Variants in GALNT17 observed in about 807,000 individuals in gnomAD.
GALNT17 encodes the protein polypeptide N-acetylgalactosaminyltransferase 17, also known as UDP-GalNAc:polypeptide N-acetylgalactosaminyltransferase-like 3.
Under a neutral mutation model 63.7 loss-of-function variants are expected in GALNT17, and 29 were observed. The observed-to-expected ratio is 0.46, with a 90% CI of 0.34 to 0.62. The LOEUF is 0.62. Among genes scored for constraint, GALNT17 ranks in the 20% least tolerant of loss-of-function variants. The pLI, the probability that GALNT17 is intolerant of heterozygous loss-of-function variation, is 0.01. For synonymous variants in GALNT17, 305 were observed against 318.3 expected, an observed-to-expected ratio of 0.96 and a Z score of 0.45; for missense variants, 603 against 799.6, an observed-to-expected ratio of 0.75 and a Z score of 2.97.
Position 71,419,972 on chromosome 7 carries a change from C to T in GALNT17, c.765-936C>T, listed in dbSNP as rs117682112. ...CTGCAAATGAAAAGAGATGGGTTGT[C>T]GACTGTGTGTTCTCATTATTCTTCC... On this transcript the variant is annotated intron_variant, in intron 4 of 10. Coordinates refer to ENST00000333538, the MANE Select transcript of GALNT17 (RefSeq NM_022479.3). Among the ~76,000 whole-genome samples the T allele has an allele frequency of 3.5e-3, 539 of 152,258 alleles. 2 individuals are homozygous for T. Among genetic ancestry groups the T allele is most frequent in the Middle Eastern group, 6.8e-3 (2 of 294 alleles).
At chr7:71,279,897 G>C (rs1451123536) in intron 1 of GALNT17, among the ~76,000 whole-genome samples, 1 of 151,678 alleles carries the variant, frequency 6.6e-6, no homozygotes, top group Non-Finnish European at 1.5e-5. Flanking sequence ...GTCTTCATTG[G>C]GGGTTATACC....
intron 3 of GALNT17, among the ~76,000 whole-genome samples, chr7:71,398,611 T>C (rs1181283292): frequency 1.3e-5 from 2 of 152,224 alleles, no homozygotes; most frequent in African/African-American, 4.8e-5. Context: ...GAGGCTTTCC[T>C]TAGATATCTG....
At chr7:71,284,095 T>G (rs1790827226) in intron 1 of GALNT17, 1 of 152,202 alleles carries the variant, frequency 6.6e-6, no homozygotes, top group East Asian at 1.9e-4. Flanking sequence ...GAAGCTTTGT[T>G]TTTTCGCTCT....
chr7:71,214,219 T>C (rs961056519), intron 1 of GALNT17, among the ~76,000 whole-genome samples: 1 of 152,222 alleles, frequency 6.6e-6, no homozygotes, highest in Non-Finnish European at 1.5e-5. Context: ...CTATGAATAG[T>C]TCCTTCAGGT....
rs116701303 is a variant in GALNT17 at position 71,142,389 on chromosome 7, G to A, written c.238+9349G>A. Among the ~76,000 whole-genome samples the A allele has an allele frequency of 2.7e-3, 409 of 152,212 alleles. 1 individual carries two copies. Among genetic ancestry groups the A allele is most frequent in the African/African-American group, 9.3e-3 (388 of 41,532 alleles). ...CTTCTTCCTTCTCCTGCCATCCCCT[G>A]CTCCTCCTCTTACTTATAATGATGG... On this transcript the variant is annotated intron_variant, in intron 1 of 10. Coordinates refer to ENST00000333538, the MANE Select transcript of GALNT17 (RefSeq NM_022479.3).
intron 5 of GALNT17, among the ~76,000 whole-genome samples, chr7:71,555,505 A>G (rs1789148910): frequency 6.6e-6 from 1 of 150,468 alleles, no homozygotes; most frequent in Non-Finnish European, 1.5e-5. Flanking sequence ...GTCTGCCCTC[A>G]TGACCCAAAC....
intron 1 of GALNT17, among the ~76,000 whole-genome samples, chr7:71,275,861 C>G (rs116137437): frequency 0.012 from 1,761 of 152,278 alleles, 50 homozygotes; most frequent in African/African-American, 0.041. Context: ...TTTGTCCTGA[C>G]TCTTGGAGTC....
chr7:71,251,062 A>T (rs1011962515), intron 1 of GALNT17, among the ~76,000 whole-genome samples: 4 of 152,182 alleles, frequency 2.6e-5, no homozygotes, highest in Non-Finnish European at 4.4e-5. Flanking sequence ...GTACATGTGC[A>T]CAACGTGCAG....
chr7:71,563,485 G>C (rs573619813), intron 5 of GALNT17, among the ~76,000 whole-genome samples: 60 of 152,328 alleles, frequency 3.9e-4, no homozygotes, highest in Middle Eastern at 6.8e-3. Flanking sequence ...ACAGCTCCTC[G>C]TTTATCAGTC....
intron 5 of GALNT17, among the ~76,000 whole-genome samples, chr7:71,441,449 C>T (rs1446928417): frequency 1.3e-5 from 2 of 152,140 alleles, no homozygotes; most frequent in African/African-American, 2.4e-5. Context: ...TGACCCTCCA[C>T]AGTTTTTTTT....
intron 3 of GALNT17, among the ~76,000 whole-genome samples, chr7:71,415,358 T>A (rs991747080): frequency 6.6e-6 from 1 of 152,200 alleles, no homozygotes; most frequent in Non-Finnish European, 1.5e-5. Flanking sequence ...AGGATAAAAT[T>A]AGCTCATAGA....
At chr7:71,687,659 G>A (rs1048686244) in intron 9 of GALNT17, among the ~76,000 whole-genome samples, 1 of 152,154 alleles carries the variant, frequency 6.6e-6, no homozygotes, top group Non-Finnish European at 1.5e-5. Flanking sequence ...CACCATGGGG[G>A]TCAAATCAGG....
At chr7:71,484,811 T>TTTG (rs1207531474) in intron 5 of GALNT17, among the ~76,000 whole-genome samples, 1 of 148,566 alleles carries the variant, frequency 6.7e-6, no homozygotes, top group East Asian at 2.0e-4. Context: ...TTTTTTTTTT[T>TTTG]TTTTTTGACA....
intron 6 of GALNT17, among the ~76,000 whole-genome samples, chr7:71,607,025 TACCA>T (rs1790057537): frequency 6.6e-6 from 1 of 152,040 alleles, no homozygotes; most frequent in Non-Finnish European, 1.5e-5. Context: ...TACTAATTGA[TACCA>T]GGAGTGTTGG....
chr7:71,678,542 A>G (rs1791186162), intron 9 of GALNT17, among the ~76,000 whole-genome samples: 1 of 151,942 alleles, frequency 6.6e-6, no homozygotes. Flanking sequence ...TCACGCCTGT[A>G]ATCCCAGTGC....
intron 6 of GALNT17, among the ~76,000 whole-genome samples, chr7:71,640,663 A>T (rs78752368): frequency 0.011 from 1,633 of 152,184 alleles, 38 homozygotes; most frequent in African/African-American, 0.037. Context: ...ATCATATTTT[A>T]AAAAAACCAA....
intron 1 of GALNT17, among the ~76,000 whole-genome samples, chr7:71,265,118 A>ATATATATATAT (rs1390488895): frequency 2.7e-5 from 1 of 37,460 alleles, no homozygotes; most frequent in African/African-American, 6.9e-5. Flanking sequence ...ATATATATAT[A>ATATATATATAT]TTTTTTTTTT....
At chr7:71,327,128 ATG>A (rs200880833) in intron 1 of GALNT17, among the ~76,000 whole-genome samples, 2 of 151,956 alleles carry the variant, frequency 1.3e-5, no homozygotes. Flanking sequence ...AGGTGACCAC[ATG>A]TATGCCATTA....
chr7:71,495,229 CTG>C (rs1446367276), intron 5 of GALNT17, among the ~76,000 whole-genome samples: 2 of 151,936 alleles, frequency 1.3e-5, no homozygotes, highest in Non-Finnish European at 2.9e-5. Context: ...TGAGCTGAGA[CTG>C]TGCCACTGCA....
Sources: gnomAD v4.1 joint callset for allele counts (sites outside exome capture counted in the v4.1 genomes callset) on GRCh38, gnomAD v4.1.1 for gene constraint, MANE v1.5 for transcripts, NCBI Gene and HGNC (gene_info 2026-07-23, HGNC 2026-07-21) for gene names.